The following NRCAM variants were observed in gnomAD, a reference collection of about 807,000 sequenced individuals.
The protein encoded by NRCAM is neuronal cell adhesion molecule.
A neutral mutation model predicts 156.5 loss-of-function variants in NRCAM; 83 were observed. That is an observed-to-expected ratio of 0.53 (90% CI 0.44 to 0.64). The LOEUF (loss-of-function observed/expected upper bound fraction) is 0.64, where lower values mean the gene tolerates loss of function less well. Among genes scored for constraint, NRCAM ranks in the 30% least tolerant of loss-of-function variants. NRCAM has a pLI of 0.00. For synonymous variants in NRCAM, 538 were observed against 563.9 expected, an observed-to-expected ratio of 0.95 and a Z score of 0.65; for missense variants, 1,417 against 1,597.3, an observed-to-expected ratio of 0.89 and a Z score of 1.92.
chr7:108,218,636 G>T (rs1381836471), intron 11 of NRCAM, among the ~76,000 whole-genome samples: 1 of 152,100 alleles, frequency 6.6e-6, no homozygotes, highest in African/African-American at 2.4e-5. Context: ...AATCAAGATG[G>T]AAATTAAAAA....
chr7:108,199,481 C>A (rs887565865), intron 13 of NRCAM, among the ~76,000 whole-genome samples: 1 of 152,216 alleles, frequency 6.6e-6, no homozygotes, highest in Non-Finnish European at 1.5e-5. Context: ...TGCTCTAAAA[C>A]CAATGCGTGA....
intron 3 of NRCAM, among the ~76,000 whole-genome samples, chr7:108,306,482 T>C (rs543948193): frequency 1.3e-5 from 2 of 152,358 alleles, no homozygotes; most frequent in African/African-American, 4.8e-5. Context: ...CTTCTATGGC[T>C]GAACCTTCTC....
intron 32 of NRCAM, among the ~76,000 whole-genome samples, chr7:108,154,228 A>G (rs1003582937): frequency 2.6e-5 from 4 of 152,194 alleles, no homozygotes; most frequent in Admixed American, 6.5e-5. Context: ...AGATTGACCA[A>G]TGGAATGGAA....
chr7:108,316,599 C>T (rs2098926305), intron 2 of NRCAM, among the ~76,000 whole-genome samples: 1 of 151,738 alleles, frequency 6.6e-6, no homozygotes, highest in African/African-American at 2.4e-5. Flanking sequence ...CACGGTGAAA[C>T]CCTGTCTCTA....
chr7:108,308,311 T>C (rs2098748926), intron 3 of NRCAM, among the ~76,000 whole-genome samples: 1 of 152,194 alleles, frequency 6.6e-6, no homozygotes, highest in South Asian at 2.1e-4. Context: ...CATCACGAGT[T>C]CTGATTCTAA....
At chr7:108,227,164 T>C (rs533257004) in intron 8 of NRCAM, among the ~76,000 whole-genome samples, 8 of 152,326 alleles carry the variant, frequency 5.3e-5, no homozygotes, top group African/African-American at 1.4e-4. Context: ...ACTGGAACAG[T>C]GCCTGGCCCT....
chr7:108,261,019 A>AG (rs1209647680), intron 3 of NRCAM, among the ~76,000 whole-genome samples: 1 of 152,116 alleles, frequency 6.6e-6, no homozygotes, highest in Non-Finnish European at 1.5e-5. Context: ...AGGTTCCTAA[A>AG]GGGGGACACT....
chr7:108,416,232 T>C lies in NRCAM; in HGVS notation c.-331-16639A>G, dbSNP rs1392090365. Reference sequence around the variant, plus strand: ...CATTTGCTTTAAATAAAACTGCAGATGCAATTCCAGGAGTAGGATAGAGAC... The same window carrying C: ...CATTTGCTTTAAATAAAACTGCAGACGCAATTCCAGGAGTAGGATAGAGAC... On this transcript the variant is annotated intron_variant, in intron 1 of 32. Coordinates refer to ENST00000379028, the MANE Select transcript of NRCAM (RefSeq NM_001037132.4). Among the ~76,000 whole-genome samples the C allele has an allele frequency of 3.9e-5, 6 of 152,206 alleles. No homozygotes were observed. In the South Asian group the frequency reaches 1.0e-3, roughly 26 times the overall value.
chr7:108,189,316 G>A (rs568510486), intron 20 of NRCAM, among the ~76,000 whole-genome samples: 1 of 152,276 alleles, frequency 6.6e-6, no homozygotes, highest in South Asian at 2.1e-4. Context: ...TCTCCCAGAA[G>A]AAATGGGCAA....
Position 108,205,320 on chromosome 7 carries a change from T to C in NRCAM, c.1207+2208A>G, listed in dbSNP as rs117151210. Among the ~76,000 whole-genome samples the C allele has an allele frequency of 9.7e-4, 148 of 152,334 alleles. 1 individual carries two copies. The highest frequency in any genetic ancestry group is 1.8e-3 in the Non-Finnish European group (122 of 68,026). On this transcript the variant is annotated intron_variant, in intron 13 of 32. Coordinates refer to ENST00000379028, the MANE Select transcript of NRCAM (RefSeq NM_001037132.4). ...TTCCAGCCTCCAGAACTGTGAGCAA[T>C]ATATTTCTGTTGTTTATAAATTACC... is the stretch of plus-strand genomic sequence containing the variant.
intron 2 of NRCAM, among the ~76,000 whole-genome samples, 175 bp downstream of exon 2, chr7:108,399,261 T>C (rs2099785280): frequency 6.6e-6 from 1 of 152,130 alleles, no homozygotes; most frequent in Non-Finnish European, 1.5e-5. Context: ...AAATAGCCAA[T>C]TGGTTTCCTC....
At chr7:108,176,733 T>C (rs750901268) in intron 26 of NRCAM, 127 bp from the exon 27 acceptor site, 14 of 673,094 alleles carry the variant, frequency 2.1e-5, no homozygotes, top group Non-Finnish European at 3.2e-5. Flanking sequence ...CCACTCACTC[T>C]TTCCCCAGCA....
intron 6 of NRCAM, among the ~76,000 whole-genome samples, chr7:108,233,274 G>A (rs746385311): frequency 6.6e-5 from 10 of 151,952 alleles, no homozygotes; most frequent in Non-Finnish European, 1.2e-4. Context: ...ACAAAGGTAC[G>A]AATCTCTAAA....
intron 1 of NRCAM, among the ~76,000 whole-genome samples, chr7:108,435,965 T>C (rs997234700): frequency 1.3e-5 from 2 of 152,264 alleles, no homozygotes; most frequent in South Asian, 2.1e-4. Flanking sequence ...ACCCCGTTTC[T>C]ACTGAAAATA....
At chr7:108,413,444 T>C (rs760741340) in intron 1 of NRCAM, among the ~76,000 whole-genome samples, 18 of 152,232 alleles carry the variant, frequency 1.2e-4, no homozygotes, top group Non-Finnish European at 2.5e-4. Flanking sequence ...ATCAAATGTA[T>C]GGTTTGCCAA....
At position 108,180,404 on chromosome 7, in the gene NRCAM, A is replaced by T; in HGVS notation, c.2670T>A (p.Ser890Arg). Residue 890 changes from serine to arginine, a missense_variant, in exon 25 of 33, where the codon AGT (serine) becomes AGA (arginine). By Grantham distance (110) the Ser-to-Arg change is moderately radical. Transcript: ENST00000379028. ...GYRIYYWKTQ[S>R]SSKRNRRHIE... ...TGTGACGTCTGTTTCTTTTAGATGA[A>T]CTCTGGGTCTTCCAATAGTAAATCT... 2 of 1,614,122 alleles carry T rather than the reference A, an allele frequency of 1.2e-6. No homozygotes were observed. Among genetic ancestry groups the T allele is most frequent in the Non-Finnish European group, 1.7e-6 (2 of 1,179,972 alleles).
At chr7:108,275,385 T>C (rs946971381) in intron 3 of NRCAM, among the ~76,000 whole-genome samples, 3 of 152,198 alleles carry the variant, frequency 2.0e-5, no homozygotes, top group Admixed American at 6.5e-5. Flanking sequence ...TTTTGATTGG[T>C]AGGCTATTAA....
intron 8 of NRCAM, among the ~76,000 whole-genome samples, chr7:108,230,211 T>C (rs2094132382): frequency 6.6e-6 from 1 of 151,942 alleles, no homozygotes; most frequent in Admixed American, 6.6e-5. Flanking sequence ...TTATCCTTGA[T>C]TCCTCTCTCT....
intron 28 of NRCAM, among the ~76,000 whole-genome samples, chr7:108,174,126 G>A (rs2059579876): frequency 6.6e-6 from 1 of 152,198 alleles, no homozygotes; most frequent in African/African-American, 2.4e-5. Flanking sequence ...TAGGAAGGAA[G>A]TATACAAATA....
Sources: gnomAD v4.1 joint callset for allele counts (sites outside exome capture counted in the v4.1 genomes callset) on GRCh38, gnomAD v4.1.1 for gene constraint, MANE v1.5 for transcripts, NCBI Gene and HGNC (gene_info 2026-07-23, HGNC 2026-07-21) for gene names.